CDH11: variants seen among roughly 807,000 people sequenced by gnomAD.
The protein encoded by CDH11 is cadherin 11.
In CDH11, 11 loss-of-function variants were observed where a neutral mutation model predicts 67.8. The ratio of observed to expected loss-of-function variants is 0.16; its 90% confidence interval spans 0.10 to 0.27. The LOEUF (loss-of-function observed/expected upper bound fraction) is 0.27. Ranked by LOEUF, CDH11 falls within the 10% of genes least tolerant of loss-of-function variation. The pLI is 1.00. For missense variants in CDH11, 847 were observed against 1,031.2 expected (o/e 0.82, Z 2.45); for synonymous variants, 419 against 400.0 (o/e 1.05, Z -0.57).
intron 1 of CDH11, among the ~76,000 whole-genome samples, chr16:65,105,071 G>A (rs926883128): frequency 6.6e-6 from 1 of 152,086 alleles, no homozygotes; most frequent in Non-Finnish European, 1.5e-5. Flanking sequence ...AGTTCTTCCC[G>A]AAATGACTTT....
At chr16:65,109,859 A>G (rs947600326) in intron 1 of CDH11, among the ~76,000 whole-genome samples, 3 of 150,364 alleles carry the variant, frequency 2.0e-5, no homozygotes, top group African/African-American at 7.3e-5. Context: ...GCTCAACACA[A>G]ATTGGACTAT....
intron 1 of CDH11, among the ~76,000 whole-genome samples, chr16:65,112,884 C>G (rs922296694): frequency 3.3e-5 from 5 of 152,292 alleles, no homozygotes; most frequent in African/African-American, 1.2e-4. Flanking sequence ...GGGCTCACAA[C>G]TTAACTGCCC....
At chr16:65,094,117 C>T (rs924924676) in intron 1 of CDH11, among the ~76,000 whole-genome samples, 1 of 152,110 alleles carries the variant, frequency 6.6e-6, no homozygotes, top group African/African-American at 2.4e-5. Context: ...ACCAGCAATG[C>T]ACTAAGATTT....
chr16:64,948,177 A>G, intron 12 of CDH11, 78 bp from the exon 13 acceptor site: 1 of 1,525,796 alleles, frequency 6.6e-7, no homozygotes, highest in Non-Finnish European at 8.8e-7. Flanking sequence ...AACTCTGATT[A>G]CCATAAACCA....
chr16:65,022,982 G>C (rs1229615084), intron 2 of CDH11, among the ~76,000 whole-genome samples: 1 of 152,118 alleles, frequency 6.6e-6, no homozygotes, highest in East Asian at 1.9e-4. Flanking sequence ...GGCCCAAAGA[G>C]CCAAAGCAAA....
At chr16:65,076,197 A>G (rs895602799) in intron 1 of CDH11, among the ~76,000 whole-genome samples, 1 of 152,170 alleles carries the variant, frequency 6.6e-6, no homozygotes, top group Admixed American at 6.5e-5. Context: ...TGTTAAACTC[A>G]AATTTCATTT....
At position 64,946,758 on chromosome 16, in the gene CDH11, A is replaced by G; in HGVS notation, c.*845T>C. The G allele has an allele frequency of 1.1e-6, 1 of 903,286 alleles. No individual in the cohort carries two copies. The allele number at this position is 903,286 out of a possible 1,614,324, so 56.0% of individuals were successfully genotyped here. A position where few individuals can be genotyped will look rare whatever the true frequency, so the allele number is the denominator to read the frequency against. On this transcript the variant is annotated 3_prime_UTR_variant, in exon 13 of 13. Coordinates refer to ENST00000268603, the MANE Select transcript of CDH11 (RefSeq NM_001797.4). ...TTAGAAATACTTAACGTTTGTTTCA[A>G]TGTTAAGAATCAAACCCAGAATTAA...
At chr16:64,988,808 T>C (rs1391927828) in intron 6 of CDH11, among the ~76,000 whole-genome samples, 2 of 152,160 alleles carry the variant, frequency 1.3e-5, no homozygotes, top group African/African-American at 4.8e-5. Context: ...ATAGTTACTT[T>C]AAAAATGCAA....
At chr16:64,948,145 T>C (rs1258877847) in intron 12 of CDH11, 46 bp from the exon 13 acceptor site, 1 of 1,569,398 alleles carries the variant, frequency 6.4e-7, no homozygotes, top group Non-Finnish European at 8.6e-7. Flanking sequence ...AGTCCAGTAT[T>C]CCTGGGTTCT....
At chr16:65,112,520 G>A (rs533144711) in intron 1 of CDH11, among the ~76,000 whole-genome samples, 1 of 152,288 alleles carries the variant, frequency 6.6e-6, no homozygotes, top group African/African-American at 2.4e-5. Flanking sequence ...TCTCTGTGCT[G>A]TTAATATTGT....
chr16:65,034,721 C>G (rs2073717220), intron 2 of CDH11, among the ~76,000 whole-genome samples: 1 of 152,178 alleles, frequency 6.6e-6, no homozygotes, highest in Non-Finnish European at 1.5e-5. Flanking sequence ...CACCCTAAAG[C>G]TTAATGGCAT....
At chr16:65,096,555 AATAT>A (rs2074900653) in intron 1 of CDH11, among the ~76,000 whole-genome samples, 1 of 151,094 alleles carries the variant, frequency 6.6e-6, no homozygotes, top group South Asian at 2.1e-4. Flanking sequence ...ACACATGCCA[AATAT>A]ATATACACAC....
chr16:64,998,217 G>A (rs1444058788), intron 4 of CDH11, among the ~76,000 whole-genome samples: 2 of 152,126 alleles, frequency 1.3e-5, no homozygotes, highest in Non-Finnish European at 2.9e-5. Context: ...CGGTGAGTTG[G>A]AATTACCTCA....
intron 6 of CDH11, 111 bp downstream of exon 6, chr16:64,991,657 T>C (rs1597063201): frequency 3.1e-6 from 2 of 651,326 alleles, no homozygotes; most frequent in East Asian, 5.4e-5. Flanking sequence ...GAATTGCCCT[T>C]AGTTTTCTAG....
At chr16:65,050,399 C>T (rs956996002) in intron 2 of CDH11, among the ~76,000 whole-genome samples, 1 of 152,180 alleles carries the variant, frequency 6.6e-6, no homozygotes, top group Non-Finnish European at 1.5e-5. Context: ...AGTTACCTGA[C>T]CATAAACTCC....
intron 1 of CDH11, among the ~76,000 whole-genome samples, chr16:65,064,147 C>CT (rs2074275034): frequency 2.0e-5 from 3 of 152,070 alleles, no homozygotes; most frequent in Admixed American, 1.3e-4. Flanking sequence ...CAGAGAAGGC[C>CT]CAGAGGACCT....
intron 2 of CDH11, among the ~76,000 whole-genome samples, chr16:65,019,750 G>C (rs2073383967): frequency 6.6e-6 from 1 of 151,734 alleles, no homozygotes; most frequent in African/African-American, 2.4e-5. Context: ...TAGAAATATT[G>C]AATAATATCC....
At chr16:65,011,674 T>A (rs1020875944) in intron 2 of CDH11, among the ~76,000 whole-genome samples, 2 of 152,202 alleles carry the variant, frequency 1.3e-5, no homozygotes, top group African/African-American at 4.8e-5. Flanking sequence ...TAAATGTTGA[T>A]CATTAAGATG....
intron 1 of CDH11, among the ~76,000 whole-genome samples, chr16:65,107,026 C>A (rs72792929): frequency 6.6e-6 from 1 of 151,910 alleles, no homozygotes; most frequent in Non-Finnish European, 1.5e-5. Flanking sequence ...ATCTCAGGCT[C>A]CCATTTATGG....
Sources: gnomAD v4.1 joint callset for allele counts (sites outside exome capture counted in the v4.1 genomes callset) on GRCh38, gnomAD v4.1.1 for gene constraint, MANE v1.5 for transcripts, NCBI Gene and HGNC (gene_info 2026-07-23, HGNC 2026-07-21) for gene names.